The following RPS6KA5 variants were observed in gnomAD, a reference collection of about 807,000 sequenced individuals.
RPS6KA5 encodes ribosomal protein S6 kinase A5, also known as ribosomal protein S6 kinase alpha-5.
In RPS6KA5, 27 loss-of-function variants were observed where a neutral mutation model predicts 85.5. The ratio of observed to expected loss-of-function variants is 0.32; its 90% confidence interval spans 0.23 to 0.44. The LOEUF (loss-of-function observed/expected upper bound fraction) is 0.44. Among genes scored for constraint, RPS6KA5 ranks in the 20% least tolerant of loss-of-function variants. RPS6KA5 has a pLI of 1.00. For missense variants in RPS6KA5, 811 were observed against 980.9 expected (o/e 0.83, Z 2.31); for synonymous variants, 334 against 348.2 (o/e 0.96, Z 0.46).
chr14:90,951,748 G>C (rs895382998), intron 3 of RPS6KA5, among the ~76,000 whole-genome samples: 1 of 152,028 alleles, frequency 6.6e-6, no homozygotes, highest in Non-Finnish European at 1.5e-5. Context: ...GGTTCCGCTC[G>C]TTCTTTCCCT....
At chr14:90,922,343 T>C (rs1376267436) in intron 6 of RPS6KA5, among the ~76,000 whole-genome samples, 2 of 152,222 alleles carry the variant, frequency 1.3e-5, no homozygotes, top group African/African-American at 4.8e-5. Flanking sequence ...AAACCATTCA[T>C]CACGACTCAG....
At chr14:90,892,654 T>C (rs2034629656) in intron 13 of RPS6KA5, among the ~76,000 whole-genome samples, 1 of 152,236 alleles carries the variant, frequency 6.6e-6, no homozygotes, top group African/African-American at 2.4e-5. Context: ...ATCTGACTCT[T>C]ACCTAGACTT....
intron 3 of RPS6KA5, among the ~76,000 whole-genome samples, chr14:90,955,531 A>T (rs2038455029): frequency 6.6e-6 from 1 of 152,112 alleles, no homozygotes; most frequent in Non-Finnish European, 1.5e-5. Context: ...TTAGGAGTAC[A>T]TTGTTTCCTA....
At chr14:90,909,366 A>G (rs1177491281) in intron 7 of RPS6KA5, among the ~76,000 whole-genome samples, 1 of 152,250 alleles carries the variant, frequency 6.6e-6, no homozygotes, top group Non-Finnish European at 1.5e-5. Context: ...ACAATTAGGT[A>G]GAGCCCAAAT....
chr14:90,852,929 C>T lies in RPS6KA5; in HGVS notation c.*19145G>A, dbSNP rs1260079928. On this transcript the variant is annotated 3_prime_UTR_variant, in exon 17 of 17. Transcript: ENST00000614987. Reference sequence around the variant, plus strand: ...TGTATTTTTAGTAGAGACAGGGTTTCACCATGTTAGCCAGGATGGTCTCAA... The same window carrying T: ...TGTATTTTTAGTAGAGACAGGGTTTTACCATGTTAGCCAGGATGGTCTCAA... The T allele has an allele frequency of 6.6e-6, 1 of 152,074 alleles. No homozygotes were observed. The highest frequency in any genetic ancestry group is 2.4e-5 in the African/African-American group (1 of 41,356). The allele number at this position is 152,074 out of a possible 1,614,324, so 9.4% of individuals were successfully genotyped here. A position where few individuals can be genotyped will look rare whatever the true frequency, so the allele number is the denominator to read the frequency against.
rs2401920 is a variant in RPS6KA5, at chr14:90,849,442, T to C, written c.*22632A>G. 0.29 allele frequency: 44,592 copies of C among 151,936 alleles called. 6,694 individuals are homozygous for C. The highest frequency in any genetic ancestry group is 0.35 in the African/African-American group (14,328 of 41,410). The allele number at this position is 151,936 out of a possible 1,614,324, so 9.4% of individuals were successfully genotyped here. ...AGGCTGCCTTGGGCTACTACACAGC[T>C]GATATGAGTGGACAGCAAAGAGCTG... On this transcript the variant is annotated 3_prime_UTR_variant, in exon 17 of 17. Coordinates refer to ENST00000614987, the MANE Select transcript of RPS6KA5 (RefSeq NM_004755.4).
Position 90,859,150 on chromosome 14 carries a change from G to C in RPS6KA5, c.*12924C>G, listed in dbSNP as rs1566660921. On this transcript the variant is annotated 3_prime_UTR_variant, in exon 17 of 17. Coordinates refer to ENST00000614987, the MANE Select transcript of RPS6KA5 (RefSeq NM_004755.4). The stretch of plus-strand genomic sequence containing the variant: ...AGAGCCCAAAGAGGCCATATGCTAG[G>C]AGTAAGAGCAAAACTGAAATGTACA... 6.6e-6 allele frequency: 1 copy of C among 152,200 alleles called. No individual in the cohort carries two copies. Among genetic ancestry groups the C allele is most frequent in the East Asian group, 1.9e-4 (1 of 5,206 alleles). The allele number at this position is 152,200 out of a possible 1,614,324, so 9.4% of individuals were successfully genotyped here.
chr14:91,038,240 G>T (rs935958417), intron 1 of RPS6KA5, among the ~76,000 whole-genome samples: 7 of 152,094 alleles, frequency 4.6e-5, no homozygotes, highest in African/African-American at 1.7e-4. Context: ...CCATGTTAGG[G>T]TCAGACTTTG....
chr14:90,873,805 T>C lies in RPS6KA5; in HGVS notation c.1997-10A>G, dbSNP rs375587102. The C allele has an allele frequency of 9.4e-6, 15 of 1,599,926 alleles. No individual in the cohort carries two copies. The African/African-American group carries it at 1.2e-4, about 13-fold the overall frequency. On this transcript the variant is annotated splice_polypyrimidine_tract_variant and intron_variant, in intron 15 of 16. Transcript: ENST00000614987. ...TCTACTGTGAGAAGTCCTTTGGGAA[T>C]AGATATTTTTATTTTATGATTTGTC...
chr14:90,998,930 G>A (rs1195441056), intron 2 of RPS6KA5, among the ~76,000 whole-genome samples: 4 of 152,312 alleles, frequency 2.6e-5, no homozygotes, highest in African/African-American at 4.8e-5. Flanking sequence ...TTACATAAGC[G>A]AACTTAGACA....
chr14:91,021,920 C>T (rs1446824458), intron 1 of RPS6KA5, among the ~76,000 whole-genome samples: 1 of 152,134 alleles, frequency 6.6e-6, no homozygotes, highest in East Asian at 1.9e-4. Context: ...TTAATAGAAA[C>T]CAAGATCTGG....
chr14:90,881,271 C>T lies in RPS6KA5; in HGVS notation c.1837-5911G>A, dbSNP rs79595678. ...TTTGAGACCAGTGTGGCCAATATGGCGAAACCCCATCTCTACTAAAACTAC... is the reference window on the plus strand; with the variant it reads ...TTTGAGACCAGTGTGGCCAATATGGTGAAACCCCATCTCTACTAAAACTAC... On this transcript the variant is annotated intron_variant, in intron 14 of 16. Transcript: ENST00000614987. Among the ~76,000 whole-genome samples the T allele has an allele frequency of 5.7e-4, 86 of 151,166 alleles. No individual in the cohort carries two copies. The East Asian group carries it at 0.017, about 29-fold the overall frequency.
In RPS6KA5 at chr14:90,964,842, G is replaced by T. The variant is rs1278389415; in HGVS notation, c.394+13464C>A. Among the ~76,000 whole-genome samples, 5 of 145,608 alleles carry T rather than the reference G, an allele frequency of 3.4e-5. No homozygotes were observed. In the Admixed American group the frequency reaches 3.5e-4, roughly 10 times the overall value. Reference sequence around the variant, plus strand: ...AGGCAGGAAGATCATTTGAGCCCAGGAAGTCAAGGCTGCAGTGGGCCATGA... The same window carrying T: ...AGGCAGGAAGATCATTTGAGCCCAGTAAGTCAAGGCTGCAGTGGGCCATGA... On this transcript the variant is annotated intron_variant, in intron 3 of 16. Transcript: ENST00000614987.
chr14:90,985,324 T>G (rs2040012922), intron 2 of RPS6KA5, among the ~76,000 whole-genome samples: 3 of 152,232 alleles, frequency 2.0e-5, no homozygotes, highest in African/African-American at 4.8e-5. Context: ...CAATTTAAAA[T>G]GTAACATAAT....
At chr14:91,058,311 C>A (rs778227507) in intron 1 of RPS6KA5, among the ~76,000 whole-genome samples, 3 of 152,104 alleles carry the variant, frequency 2.0e-5, no homozygotes, top group Admixed American at 1.3e-4. Flanking sequence ...TTCTAAAATG[C>A]GAACTTGAAG....
intron 1 of RPS6KA5, among the ~76,000 whole-genome samples, chr14:91,047,277 A>G (rs1408058683): frequency 2.0e-5 from 3 of 152,214 alleles, no homozygotes; most frequent in African/African-American, 7.2e-5. Context: ...GATAAGACTC[A>G]ATATGCATGC....
At chr14:91,005,584 G>A (rs1221810281) in intron 1 of RPS6KA5, among the ~76,000 whole-genome samples, 1 of 151,952 alleles carries the variant, frequency 6.6e-6, no homozygotes, top group Non-Finnish European at 1.5e-5. Context: ...AAGAAGAAAT[G>A]GTAAATATCA....
intron 3 of RPS6KA5, among the ~76,000 whole-genome samples, chr14:90,967,791 A>C (rs535822895): frequency 6.6e-6 from 1 of 152,364 alleles, no homozygotes; most frequent in African/African-American, 2.4e-5. Flanking sequence ...GAAGCATAAA[A>C]ATAACACAGA....
chr14:90,872,205 T>C lies in RPS6KA5; in HGVS notation c.2278A>G (p.Ser760Gly). 1 of 1,614,006 alleles carries C rather than the reference T, an allele frequency of 6.2e-7. No individual in the cohort carries two copies. The highest frequency in any genetic ancestry group is 8.5e-7 in the Non-Finnish European group (1 of 1,180,004). Residue 760 changes from serine to glycine, a missense_variant, in exon 17 of 17, where the codon AGT (serine) becomes GGT (glycine). Physicochemically the swap from Ser to Gly is moderately conservative, Grantham distance 56 (BLOSUM62 0). This residue lies in a region of RPS6KA5 where 650 missense variants were observed against 793.4 expected (regional missense o/e 0.82). Transcript: ENST00000614987. ...STSTETRSSSSESSHSSSSHS... is the reference protein window; with the variant it reads ...STSTETRSSSGESSHSSSSHS... ...GAGGAAGAAGAATGGGAACTCTCACTGGAACTGCTGCGCGTCTCGGTACTG... is the reference window on the plus strand; with the variant it reads ...GAGGAAGAAGAATGGGAACTCTCACCGGAACTGCTGCGCGTCTCGGTACTG...
Sources: gnomAD v4.1 joint callset for allele counts (sites outside exome capture counted in the v4.1 genomes callset) on GRCh38, gnomAD v4.1.1 for gene constraint, gnomAD v4.1.1 regional missense constraint, MANE v1.5 for transcripts, NCBI Gene and HGNC (gene_info 2026-07-23, HGNC 2026-07-21) for gene names.